Variants in KCNN3 observed in about 807,000 individuals in gnomAD.
KCNN3 encodes small conductance calcium-activated potassium channel protein 3.
A neutral mutation model predicts 62.9 loss-of-function variants in KCNN3; 16 were observed. That is an observed-to-expected ratio of 0.25 (90% CI 0.17 to 0.39). KCNN3 has a LOEUF of 0.39. KCNN3 is among the 10% of genes least tolerant of loss of function. KCNN3 has a pLI of 1.00. For synonymous variants in KCNN3, 370 were observed against 389.2 expected, an observed-to-expected ratio of 0.95 and a Z score of 0.58; for missense variants, 599 against 949.4, an observed-to-expected ratio of 0.63 and a Z score of 4.85.
chr1:154,777,593 A>G (rs972065920), intron 2 of KCNN3, among the ~76,000 whole-genome samples: 120 of 152,318 alleles, frequency 7.9e-4, no homozygotes, highest in African/African-American at 2.7e-3. Flanking sequence ...AGCCTTAGAA[A>G]GTTCTAGAGC....
At position 154,809,818 on chromosome 1, in the gene KCNN3, G is replaced by T. The variant is rs1353665385; in HGVS notation, c.1029+12271C>A. Among the ~76,000 whole-genome samples the T allele has an allele frequency of 6.6e-6, 1 of 152,232 alleles. No homozygotes were observed. Among genetic ancestry groups the T allele is most frequent in the Non-Finnish European group, 1.5e-5 (1 of 68,030 alleles). ...GGTGGGGAGCTGCTTAGCAGCTCAT[G>T]AGAAGACAGAGGGGTTTTAGTAAAT... On this transcript the variant is annotated intron_variant, in intron 2 of 7. Coordinates refer to ENST00000271915, the MANE Select transcript of KCNN3 (RefSeq NM_002249.6). This position sits in a 1 kb window ranked among gnomAD's most constrained non-coding sequence, Gnocchi z 4.3.
At chr1:154,838,934 T>G (rs180766447) in intron 1 of KCNN3, among the ~76,000 whole-genome samples, 1 of 152,170 alleles carries the variant, frequency 6.6e-6, no homozygotes, top group Non-Finnish European at 1.5e-5. Context: ...TGACAGTACC[T>G]TGTTTCTCCC....
chr1:154,825,980 G>A (rs1241969955), intron 1 of KCNN3, among the ~76,000 whole-genome samples: 1 of 151,100 alleles, frequency 6.6e-6, no homozygotes, highest in Non-Finnish European at 1.5e-5. Context: ...CCCGGGAGGC[G>A]GAGCTTGCAG....
chr1:154,737,216 G>GT, intron 3 of KCNN3: 1 of 244,072 alleles, frequency 4.1e-6, no homozygotes, highest in Non-Finnish European at 8.4e-6. Context: ...TGGGGGGGGG[G>GT]GATAGCTCCA....
At position 154,742,016 on chromosome 1, in the gene KCNN3, C is replaced by T. The variant is rs1013983939; in HGVS notation, c.1449-8872G>A. 3.9e-5 allele frequency among the ~76,000 whole-genome samples: 6 copies of T among 152,382 alleles called. No homozygotes were observed. The East Asian group carries it at 9.6e-4, about 24-fold the overall frequency. ...CTGACCCCACCGGTGCCTCTCTCCT[C>T]GGAACACTGCCCTCCTCTGGCATCT... is the stretch of plus-strand genomic sequence containing the variant. On this transcript the variant is annotated intron_variant, in intron 3 of 7. Transcript: ENST00000271915.
intron 5 of KCNN3, among the ~76,000 whole-genome samples, chr1:154,716,836 C>T (rs1050999447): frequency 6.6e-6 from 1 of 152,120 alleles, no homozygotes; most frequent in Non-Finnish European, 1.5e-5. Flanking sequence ...CAGCAGCCTC[C>T]TGGCAAAAAA....
intron 2 of KCNN3, among the ~76,000 whole-genome samples, chr1:154,792,369 A>T (rs546688203): frequency 6.6e-6 from 1 of 152,340 alleles, no homozygotes; most frequent in Non-Finnish European, 1.5e-5. Flanking sequence ...TAGAGTAACA[A>T]CAGGAATCAG....
At position 154,724,950 on chromosome 1, in the gene KCNN3, G is replaced by T. The variant is rs184907745; in HGVS notation, c.1701+966C>A. Among the ~76,000 whole-genome samples, 506 of 151,412 alleles carry T rather than the reference G, an allele frequency of 3.3e-3. 6 individuals are homozygous for T. The highest frequency in any genetic ancestry group is 0.012 in the African/African-American group (476 of 41,208). On this transcript the variant is annotated intron_variant, in intron 5 of 7. Transcript: ENST00000271915. The stretch of plus-strand genomic sequence containing the variant: ...CGGTTCACTGCAACCTCCGCTTCCT[G>T]GGTTCAAGTGATTCTCCTGCCTCAG...
At chr1:154,824,360 C>G (rs932827091) in intron 1 of KCNN3, among the ~76,000 whole-genome samples, 2 of 152,202 alleles carry the variant, frequency 1.3e-5, no homozygotes, top group African/African-American at 4.8e-5. Context: ...CTGTTCTGGT[C>G]CAACATAAGC....
intron 3 of KCNN3, among the ~76,000 whole-genome samples, chr1:154,748,524 C>T (rs1032550223): frequency 6.6e-6 from 1 of 152,156 alleles, no homozygotes; most frequent in Non-Finnish European, 1.5e-5. Context: ...AGACTGGATG[C>T]TAATCTTATT....
chr1:154,826,014 C>CTCCA (rs1402473059), intron 1 of KCNN3, among the ~76,000 whole-genome samples: 23 of 148,050 alleles, frequency 1.6e-4, no homozygotes, highest in African/African-American at 5.8e-4. Context: ...TGCCACTGCA[C>CTCCA]TCCAGCCTGG....
chr1:154,867,996 T>C (rs1653019277), intron 1 of KCNN3: 2 of 985,366 alleles, frequency 2.0e-6, no homozygotes. Context: ...CTCCTCCGTC[T>C]TGGGGCTGGA....
At chr1:154,839,516 G>A (rs773988272) in intron 1 of KCNN3, among the ~76,000 whole-genome samples, 4 of 152,220 alleles carry the variant, frequency 2.6e-5, no homozygotes, top group Admixed American at 2.6e-4. Flanking sequence ...CAGCAGGGAC[G>A]AACGTGACCT....
intron 1 of KCNN3, among the ~76,000 whole-genome samples, chr1:154,833,335 A>G (rs1482177060): frequency 2.0e-5 from 3 of 152,340 alleles, no homozygotes; most frequent in East Asian, 1.9e-4. Flanking sequence ...AACCGCCTGC[A>G]GGCTCCACAG....
At chr1:154,760,722 C>T (rs1647965788) in intron 3 of KCNN3, among the ~76,000 whole-genome samples, 1 of 152,228 alleles carries the variant, frequency 6.6e-6, no homozygotes, top group South Asian at 2.1e-4. Context: ...CGGGGACGCC[C>T]GGGAGGCTAC....
At chr1:154,808,636 A>G (rs533702014) in intron 2 of KCNN3, among the ~76,000 whole-genome samples, 2 of 152,012 alleles carry the variant, frequency 1.3e-5, no homozygotes, top group Admixed American at 1.3e-4. Context: ...TGAATGAATT[A>G]ATCACCTTTT....
At chr1:154,739,098 A>C (rs769778697) in intron 3 of KCNN3, among the ~76,000 whole-genome samples, 2 of 152,244 alleles carry the variant, frequency 1.3e-5, no homozygotes, top group Non-Finnish European at 2.9e-5. Context: ...ACAGACATGG[A>C]GGTAAATACT....
At chr1:154,708,505 A>AAT (rs1164736318) in intron 7 of KCNN3, among the ~76,000 whole-genome samples, 1 of 152,146 alleles carries the variant, frequency 6.6e-6, no homozygotes, top group Admixed American at 6.5e-5. Context: ...TTTATTAGAA[A>AAT]ATATGCACCA....
chr1:154,712,943 T>A (rs1357914717), intron 7 of KCNN3, among the ~76,000 whole-genome samples: 1 of 152,168 alleles, frequency 6.6e-6, no homozygotes, highest in Non-Finnish European at 1.5e-5. Flanking sequence ...TATCTGCCTC[T>A]TGAGAAGTAA....
Sources: allele counts gnomAD v4.1 joint callset (sites outside exome capture counted in the v4.1 genomes callset), GRCh38; gene constraint gnomAD v4.1.1; non-coding constraint Gnocchi (gnomAD v3.1); transcripts MANE v1.5; gene names NCBI Gene and HGNC (gene_info 2026-07-23, HGNC 2026-07-21).